The following NPHP4 variants were observed in gnomAD, a reference collection of about 807,000 sequenced individuals.
The protein encoded by NPHP4 is nephrocystin-4.
In NPHP4, 151 loss-of-function variants were observed where a neutral mutation model predicts 155.8. The observed-to-expected ratio is 0.97, with a 90% CI of 0.85 to 1.11. NPHP4 has a LOEUF of 1.11. NPHP4 is among the 50% of genes least tolerant of loss of function. The pLI, the probability that NPHP4 is intolerant of heterozygous loss-of-function variation, is 0.00. For synonymous variants in NPHP4, 845 were observed against 816.8 expected (o/e 1.03, Z -0.59); for missense variants, 1,956 against 1,925.7 (o/e 1.02, Z -0.29).
At chr1:5,959,412 C>T (rs1649885099) in intron 6 of NPHP4, among the ~76,000 whole-genome samples, 1 of 152,192 alleles carries the variant, frequency 6.6e-6, no homozygotes, top group South Asian at 2.1e-4. Context: ...CTCTGTCTCC[C>T]ATCTTGTGGT....
At chr1:5,958,626 C>T (rs999033818) in intron 6 of NPHP4, among the ~76,000 whole-genome samples, 2 of 150,576 alleles carry the variant, frequency 1.3e-5, no homozygotes, top group Non-Finnish European at 2.9e-5. Flanking sequence ...ACCCGGAAGG[C>T]GGAGGTTGTA....
rs150222575 is a variant in NPHP4, at chr1:5,988,835, C to T, written c.-38-2508G>A. Among the ~76,000 whole-genome samples, 1,334 of 150,714 alleles carry T rather than the reference C, an allele frequency of 8.9e-3. 11 individuals are homozygous for T. Among genetic ancestry groups the T allele is most frequent in the African/African-American group, 0.031 (1,242 of 40,632 alleles). ...CGCCTCCACCCACAGTGCACCCAGA[C>T]GCTGCATCCTTGGCCCAGCGTCCCG... On this transcript the variant is annotated intron_variant, in intron 1 of 29. Transcript: ENST00000378156.
intron 16 of NPHP4, among the ~76,000 whole-genome samples, chr1:5,896,730 T>C (rs761615378): frequency 6.6e-5 from 10 of 152,218 alleles, no homozygotes; most frequent in Admixed American, 2.6e-4. Context: ...CCCCATATCC[T>C]GATCTCTGAA....
rs1420321736 is a variant in NPHP4 at position 5,905,473 on chromosome 1, G to A, written c.1774C>T (p.Gln592Ter). 3.1e-6 allele frequency: 5 copies of A among 1,602,342 alleles called. No individual in the cohort carries two copies. In the East Asian group the frequency reaches 1.1e-4, roughly 36 times the overall value. Residue 592 changes from glutamine to a stop codon, truncating the protein, a stop_gained, in exon 15 of 30, where the codon CAG becomes TAG. Coordinates refer to ENST00000378156, the MANE Select transcript of NPHP4 (RefSeq NM_015102.5). LOFTEE classifies it high-confidence loss of function. The surrounding 1 kb of genome is among the most constrained non-coding windows in gnomAD (Gnocchi z 4.0). ...AGCACCATGGAGGCTCTCGAGGGCT[G>A]CCCTGCAGAGCTGAGACACAGAGAC... ...VGTQTRSSAG[Q>*]PSRASMVLLQ...
At chr1:5,884,248 C>A (rs1464640167) in intron 18 of NPHP4, among the ~76,000 whole-genome samples, 1 of 152,136 alleles carries the variant, frequency 6.6e-6, no homozygotes, top group Non-Finnish European at 1.5e-5. Context: ...GCAGCTGGAC[C>A]AAAGCCCGCC....
intron 23 of NPHP4, among the ~76,000 whole-genome samples, chr1:5,872,402 C>T (rs926008963): frequency 2.0e-5 from 3 of 152,202 alleles, no homozygotes; most frequent in Non-Finnish European, 2.9e-5. Flanking sequence ...TTCCTCCCAA[C>T]GGTTTTGGCA....
chr1:5,869,859 G>GA (rs201149652), intron 23 of NPHP4, among the ~76,000 whole-genome samples: 1 of 152,102 alleles, frequency 6.6e-6, no homozygotes, highest in Non-Finnish European at 1.5e-5. Context: ...TACAAACATG[G>GA]AAAAAAACAG....
chr1:5,927,847 G>C, intron 10 of NPHP4, 60 bp from the exon 11 acceptor site: 1 of 1,540,542 alleles, frequency 6.5e-7, no homozygotes, highest in South Asian at 1.2e-5. Flanking sequence ...CTATCAGAAC[G>C]ATCCAACCAG....
chr1:5,952,532 A>G (rs1048467200), intron 7 of NPHP4, among the ~76,000 whole-genome samples, 168 bp downstream of exon 7: 4 of 151,682 alleles, frequency 2.6e-5, no homozygotes, highest in South Asian at 4.2e-4. Flanking sequence ...GGCCCTCCTC[A>G]GCAGCATCAG....
chr1:5,969,097 G>A lies in NPHP4; in HGVS notation c.442C>T (p.Gln148Ter), dbSNP rs372862010. ...NQPDSPISAS[Q>*]DKRLRLYHGT... ...AAACAAGGCAGGTACCTTTTGTCCT[G>A]GGAAGCAGAGATAGGAGAGTCCGGC... The change falls in exon 4 of 30, where the codon CAG becomes TAG. Residue 148 changes from glutamine to a stop codon, truncating the protein, a stop_gained. Transcript: ENST00000378156. LOFTEE classifies it high-confidence loss of function. 1 of 1,549,638 alleles carries A rather than the reference G, an allele frequency of 6.5e-7. No homozygotes were observed.
At chr1:5,973,279 T>C (rs1652924381) in intron 3 of NPHP4, among the ~76,000 whole-genome samples, 1 of 152,242 alleles carries the variant, frequency 6.6e-6, no homozygotes, top group Non-Finnish European at 1.5e-5. Flanking sequence ...AGTAGGACAC[T>C]AGCCCATCCT....
intron 16 of NPHP4, among the ~76,000 whole-genome samples, chr1:5,893,176 C>A (rs1367997712): frequency 6.6e-6 from 1 of 152,166 alleles, no homozygotes; most frequent in Non-Finnish European, 1.5e-5. Flanking sequence ...GGGGACCAGC[C>A]TCACAGGGTC....
chr1:5,897,081 T>C (rs573682159), intron 16 of NPHP4, among the ~76,000 whole-genome samples: 1 of 152,312 alleles, frequency 6.6e-6, no homozygotes, highest in Non-Finnish European at 1.5e-5. Context: ...TGTCCTGTCT[T>C]TGTGGAGCAT....
intron 11 of NPHP4, among the ~76,000 whole-genome samples, chr1:5,920,603 G>C (rs1645695288): frequency 6.6e-6 from 1 of 152,166 alleles, no homozygotes; most frequent in Non-Finnish European, 1.5e-5. Flanking sequence ...GCAGCCCCGA[G>C]CACCTGGACA....
intron 20 of NPHP4, 84 bp from the exon 21 acceptor site, chr1:5,875,184 G>T (rs765624590): frequency 1.0e-6 from 1 of 996,702 alleles, no homozygotes; most frequent in Non-Finnish European, 1.5e-6. Context: ...CACCACCCGC[G>T]ATCTCAGAAG....
chr1:5,904,246 C>G (rs962601843), intron 16 of NPHP4, among the ~76,000 whole-genome samples: 1 of 152,164 alleles, frequency 6.6e-6, no homozygotes, highest in East Asian at 1.9e-4. Flanking sequence ...AGGTTACTAG[C>G]AAAATTTTAA....
Position 5,954,231 on chromosome 1 carries a change from T to C in NPHP4, c.674-1395A>G, listed in dbSNP as rs917110990. Among the ~76,000 whole-genome samples, 5 of 152,158 alleles carry C rather than the reference T, an allele frequency of 3.3e-5. 1 individual carries two copies. In the South Asian group the frequency reaches 6.2e-4, roughly 19 times the overall value. On this transcript the variant is annotated intron_variant, in intron 6 of 29. Coordinates refer to ENST00000378156, the MANE Select transcript of NPHP4 (RefSeq NM_015102.5). ...AAAATCGAAGCAACCAAATGTTCAATAGGGGAATGTTCACTAAACTATTAT... is the reference window on the plus strand; with the variant it reads ...AAAATCGAAGCAACCAAATGTTCAACAGGGGAATGTTCACTAAACTATTAT...
chr1:5,923,248 A>G (rs1451023562), intron 11 of NPHP4, among the ~76,000 whole-genome samples: 1 of 152,232 alleles, frequency 6.6e-6, no homozygotes, highest in African/African-American at 2.4e-5. Context: ...CTGGCCAAGA[A>G]GAGTAACAGT....
In NPHP4 at chr1:5,978,365, A is replaced by C. The variant is rs1355694297; in HGVS notation, c.184T>G (p.Phe62Val). 1.9e-6 allele frequency: 3 copies of C among 1,608,790 alleles called. No individual in the cohort carries two copies. Among genetic ancestry groups the C allele is most frequent in the Non-Finnish European group, 2.5e-6 (3 of 1,177,752 alleles). Residue 62 changes from phenylalanine (F) to valine (V), a missense_variant, in exon 3 of 30, where the codon TTC (phenylalanine) becomes GTC (valine). Physicochemically the swap from Phe to Val is conservative, Grantham distance 50 (BLOSUM62 -1). Coordinates refer to ENST00000378156, the MANE Select transcript of NPHP4 (RefSeq NM_015102.5). ...AAGTGCCGGTAGGTGACATCAAAGA[A>C]AGACACTCGCAGATGGCATTCAACC... ...SEVECHLRVS[F>V]FDVTYRHFFG...
Sources: allele counts gnomAD v4.1 joint callset (sites outside exome capture counted in the v4.1 genomes callset), GRCh38; gene constraint gnomAD v4.1.1; non-coding constraint Gnocchi (gnomAD v3.1); transcripts MANE v1.5; gene names NCBI Gene and HGNC (gene_info 2026-07-23, HGNC 2026-07-21).